Variants in NLK observed in about 807,000 individuals in gnomAD.
NLK encodes the protein nemo like kinase.
Under a neutral mutation model 59.0 loss-of-function variants are expected in NLK, and 11 were observed. The observed-to-expected ratio is 0.19, with a 90% CI of 0.12 to 0.31. The LOEUF (loss-of-function observed/expected upper bound fraction) is 0.31, where lower values mean the gene tolerates loss of function less well. Among genes scored for constraint, NLK ranks in the 10% least tolerant of loss-of-function variants. NLK has a pLI of 1.00. For missense variants in NLK, 410 were observed against 661.1 expected (o/e 0.62, Z 4.16); for synonymous variants, 235 against 235.9 (o/e 1.00, Z 0.03).
intron 1 of NLK, among the ~76,000 whole-genome samples, chr17:28,057,073 G>T (rs1477558039): frequency 6.7e-6 from 1 of 149,990 alleles, no homozygotes; most frequent in Non-Finnish European, 1.5e-5. Context: ...TCCTGCCTCA[G>T]CCTCCTGAGT....
the NLK span, among the ~76,000 whole-genome samples, chr17:28,204,388 G>C: frequency 6.6e-6 from 1 of 152,222 alleles, no homozygotes; most frequent in African/African-American, 2.4e-5. Flanking sequence ...GGAAGAGTGC[G>C]TAGTGTTTAG....
At chr17:28,130,203 A>G (rs998363220) in intron 2 of NLK, among the ~76,000 whole-genome samples, 1 of 152,208 alleles carries the variant, frequency 6.6e-6, no homozygotes, top group African/African-American at 2.4e-5. Flanking sequence ...AGTGGGGCTT[A>G]TAGAGAATCT....
At chr17:28,166,629 A>G (rs1008742904) in intron 5 of NLK, among the ~76,000 whole-genome samples, 24 of 152,322 alleles carry the variant, frequency 1.6e-4, no homozygotes, top group African/African-American at 5.5e-4. Flanking sequence ...GGCCATTACT[A>G]TCTGATCTCA....
chr17:28,181,104 A>C (rs533633736), intron 7 of NLK, among the ~76,000 whole-genome samples: 3 of 152,058 alleles, frequency 2.0e-5, no homozygotes, highest in Non-Finnish European at 1.5e-5. Context: ...AAAATTTTTA[A>C]AAAAGTTAGT....
At chr17:28,166,927 T>C (rs1908260782) in intron 5 of NLK, among the ~76,000 whole-genome samples, 1 of 152,240 alleles carries the variant, frequency 6.6e-6, no homozygotes, top group South Asian at 2.1e-4. Flanking sequence ...AAGAAATGAA[T>C]GAACCCCATA....
intron 1 of NLK, among the ~76,000 whole-genome samples, chr17:28,122,197 G>A (rs1375500455): frequency 1.3e-5 from 2 of 152,162 alleles, no homozygotes; most frequent in African/African-American, 4.8e-5. Context: ...CCTCTCAAAT[G>A]TAGTTCTGAA....
At chr17:28,185,118 T>C in intron 7 of NLK, 61 bp from the exon 8 acceptor site, 1 of 935,802 alleles carries the variant, frequency 1.1e-6, no homozygotes, top group African/African-American at 1.7e-5. Flanking sequence ...AAATTGGCTG[T>C]ATTCCATAGC....
intron 1 of NLK, chr17:28,047,862 GC>G (rs1332905214): frequency 5.0e-6 from 2 of 397,434 alleles, no homozygotes; most frequent in Non-Finnish European, 8.9e-6. Context: ...GGAGTAAGTT[GC>G]ATCAGAAAGA....
chr17:28,046,359 G>A (rs1324214591), intron 1 of NLK, among the ~76,000 whole-genome samples: 1 of 152,172 alleles, frequency 6.6e-6, no homozygotes, highest in Non-Finnish European at 1.5e-5. Flanking sequence ...ATTAACAACT[G>A]TCTGCTGTAT....
chr17:28,068,162 T>C (rs921709181), intron 1 of NLK, among the ~76,000 whole-genome samples: 4 of 150,780 alleles, frequency 2.7e-5, no homozygotes, highest in Non-Finnish European at 5.9e-5. Flanking sequence ...AAAAAAAATA[T>C]GGATGTTCGA....
At chr17:28,058,868 G>A (rs755397551) in intron 1 of NLK, among the ~76,000 whole-genome samples, 1 of 152,188 alleles carries the variant, frequency 6.6e-6, no homozygotes, top group Non-Finnish European at 1.5e-5. Context: ...GCTTACACCT[G>A]TAATCCCAGC....
At chr17:28,102,218 C>T (rs1287554436) in intron 1 of NLK, among the ~76,000 whole-genome samples, 1 of 152,034 alleles carries the variant, frequency 6.6e-6, no homozygotes, top group Non-Finnish European at 1.5e-5. Flanking sequence ...CTTTTCCAGC[C>T]CTCTCACTTT....
Position 28,108,339 on chromosome 17 carries a change from G to T in NLK, c.459-14264G>T, listed in dbSNP as rs191725714. Reference sequence around the variant, plus strand: ...TGTTAGCCTAAAAGGAAAAGTAAAGGCATCTTCTGTTAAAAAATAATTAAA... The same window carrying T: ...TGTTAGCCTAAAAGGAAAAGTAAAGTCATCTTCTGTTAAAAAATAATTAAA... On this transcript the variant is annotated intron_variant, in intron 1 of 10. Transcript: ENST00000407008. Among the ~76,000 whole-genome samples the T allele has an allele frequency of 4.6e-5, 7 of 152,096 alleles. No homozygotes were observed. In the East Asian group the frequency reaches 1.4e-3, roughly 29 times the overall value.
chr17:28,179,921 C>G, intron 7 of NLK, among the ~76,000 whole-genome samples: 1 of 101,416 alleles, frequency 9.9e-6, no homozygotes, highest in Non-Finnish European at 1.9e-5. Flanking sequence ...GATTCTATTG[C>G]ACTTAAGAGA....
At chr17:28,075,486 C>T (rs541970762) in intron 1 of NLK, among the ~76,000 whole-genome samples, 1 of 152,194 alleles carries the variant, frequency 6.6e-6, no homozygotes, top group South Asian at 2.1e-4. Context: ...ATTGCTTAGA[C>T]AACATCTCTG....
chr17:28,177,687 C>T (rs1908739966), intron 7 of NLK, among the ~76,000 whole-genome samples: 1 of 152,106 alleles, frequency 6.6e-6, no homozygotes, highest in Admixed American at 6.5e-5. Context: ...CTAAATAGCT[C>T]CAGAAAAAAT....
intron 1 of NLK, among the ~76,000 whole-genome samples, chr17:28,058,625 T>C (rs1263663386): frequency 6.6e-6 from 1 of 152,132 alleles, no homozygotes; most frequent in African/African-American, 2.4e-5. Flanking sequence ...GTGGCCCATG[T>C]GTGTATTCTC....
chr17:28,126,893 C>T (rs1253777385), intron 2 of NLK, among the ~76,000 whole-genome samples: 1 of 152,138 alleles, frequency 6.6e-6, no homozygotes. Flanking sequence ...TATATACATG[C>T]ATAGTTGTCA....
chr17:28,165,334 T>G (rs1422417486), intron 5 of NLK, among the ~76,000 whole-genome samples: 1 of 152,196 alleles, frequency 6.6e-6, no homozygotes, highest in East Asian at 1.9e-4. Context: ...TGCCATTAAC[T>G]GCTTGAAGTT....
Sources: allele counts gnomAD v4.1 joint callset (sites outside exome capture counted in the v4.1 genomes callset), GRCh38; gene constraint gnomAD v4.1.1; transcripts MANE v1.5; gene names NCBI Gene and HGNC (gene_info 2026-07-23, HGNC 2026-07-21).